PLXDC2: variants seen among roughly 807,000 people sequenced by gnomAD.
PLXDC2 encodes the protein plexin domain containing 2, also known as plexin domain-containing protein 2.
PLXDC2 carries 40 observed loss-of-function variants against 68.9 expected under a neutral mutation model. That is an observed-to-expected ratio of 0.58 (90% CI 0.45 to 0.76). The LOEUF (loss-of-function observed/expected upper bound fraction) is 0.76. Among genes scored for constraint, PLXDC2 ranks in the 30% least tolerant of loss-of-function variants. The pLI is 0.00. For synonymous variants in PLXDC2, 243 were observed against 234.2 expected, an observed-to-expected ratio of 1.04 and a Z score of -0.34; for missense variants, 644 against 661.9, an observed-to-expected ratio of 0.97 and a Z score of 0.30.
rs374752115 is a variant in PLXDC2, at chr10:19,947,021, G to C, written c.113-54754G>C. On this transcript the variant is annotated intron_variant, in intron 1 of 13. Transcript: ENST00000377252. ...GGGGTTGGGGGCCTCTGATCTCAAG[G>C]GTCCTTATAAGTAAAAAGCGGAACT... 4.7e-4 allele frequency among the ~76,000 whole-genome samples: 72 copies of C among 152,130 alleles called. 2 individuals carry two copies. The South Asian group carries it at 5.8e-3, about 12-fold the overall frequency.
intron 4 of PLXDC2, chr10:20,091,704 T>G (rs1024090849): frequency 7.9e-5 from 12 of 152,170 alleles, no homozygotes; most frequent in African/African-American, 2.7e-4. Flanking sequence ...AATCTTTAAG[T>G]CTGCGAGGGC....
chr10:19,982,507 T>A (rs946330331), intron 1 of PLXDC2, among the ~76,000 whole-genome samples: 2 of 152,234 alleles, frequency 1.3e-5, no homozygotes, highest in African/African-American at 4.8e-5. Context: ...CAATCTTATT[T>A]GTTTTCTTCA....
At chr10:20,162,310 T>C (rs1834310995) in intron 6 of PLXDC2, among the ~76,000 whole-genome samples, 1 of 152,106 alleles carries the variant, frequency 6.6e-6, no homozygotes. Flanking sequence ...CATAATGACA[T>C]AATAGGATTT....
intron 3 of PLXDC2, among the ~76,000 whole-genome samples, chr10:20,049,258 C>T (rs1474641330): frequency 1.3e-5 from 2 of 151,980 alleles, no homozygotes; most frequent in African/African-American, 2.4e-5. Flanking sequence ...AACATTATAC[C>T]GAATGGGCAA....
At chr10:19,826,171 C>G (rs1253543074) in intron 1 of PLXDC2, among the ~76,000 whole-genome samples, 1 of 152,142 alleles carries the variant, frequency 6.6e-6, no homozygotes, top group Non-Finnish European at 1.5e-5. Context: ...TAAAAACATT[C>G]AACCTCCTAA....
At chr10:20,272,592 G>A (rs1403456836) in intron 13 of PLXDC2, among the ~76,000 whole-genome samples, 1 of 152,100 alleles carries the variant, frequency 6.6e-6, no homozygotes, top group Non-Finnish European at 1.5e-5. Context: ...TGCCAGCCAT[G>A]GTGGATCAAA....
intron 4 of PLXDC2, among the ~76,000 whole-genome samples, chr10:20,132,048 A>C (rs1489304477): frequency 6.6e-6 from 1 of 152,064 alleles, no homozygotes; most frequent in African/African-American, 2.4e-5. Flanking sequence ...TTATATTTGC[A>C]TTTTTGTTTG....
At chr10:20,095,200 G>A (rs907360358) in intron 4 of PLXDC2, among the ~76,000 whole-genome samples, 9 of 152,006 alleles carry the variant, frequency 5.9e-5, no homozygotes, top group African/African-American at 2.2e-4. Context: ...CTTTTCTTGT[G>A]AAATCAGTGC....
At chr10:19,998,856 A>G (rs1834883049) in intron 1 of PLXDC2, among the ~76,000 whole-genome samples, 1 of 152,196 alleles carries the variant, frequency 6.6e-6, no homozygotes, top group Non-Finnish European at 1.5e-5. Context: ...AAACCTTGTA[A>G]GTGCTAGAGT....
At chr10:20,116,257 CT>C (rs1156790995) in intron 4 of PLXDC2, among the ~76,000 whole-genome samples, 1 of 152,096 alleles carries the variant, frequency 6.6e-6, no homozygotes, top group Admixed American at 6.5e-5. Context: ...CCCTAAGATT[CT>C]TTTTCCCCCC....
chr10:20,022,722 T>C (rs1835332931), intron 2 of PLXDC2, among the ~76,000 whole-genome samples: 1 of 152,122 alleles, frequency 6.6e-6, no homozygotes. Context: ...GCTTAGGAGT[T>C]CCTGAAGGCC....
intron 9 of PLXDC2, among the ~76,000 whole-genome samples, chr10:20,178,248 G>A (rs758204778): frequency 2.0e-5 from 3 of 152,096 alleles, no homozygotes; most frequent in African/African-American, 4.8e-5. Flanking sequence ...ATTTACTGGT[G>A]TCAAAGAGGT....
At position 20,286,009 on chromosome 10, in the gene PLXDC2, G is replaced by C. The variant is rs950928768; in HGVS notation, c.*6190G>C. On this transcript the variant is annotated 3_prime_UTR_variant, in exon 14 of 14. Coordinates refer to ENST00000377252, the MANE Select transcript of PLXDC2 (RefSeq NM_032812.9). ...ACTTTTCAACCATCCAATGCCCACT[G>C]CTCTCACAATGATTATTGTAGAGAA... is the stretch of plus-strand genomic sequence containing the variant. 6.6e-6 allele frequency: 1 copy of C among 152,154 alleles called. No individual in the cohort carries two copies. Among genetic ancestry groups the C allele is most frequent in the Non-Finnish European group, 1.5e-5 (1 of 68,034 alleles). 9.4% of individuals were successfully genotyped at this position (152,154 alleles called of 1,614,324 possible).
chr10:20,065,526 G>T (rs941790519), intron 3 of PLXDC2, among the ~76,000 whole-genome samples: 6 of 152,134 alleles, frequency 3.9e-5, no homozygotes, highest in Non-Finnish European at 7.3e-5. Context: ...GATGATTCAG[G>T]CACATTGCAT....
intron 2 of PLXDC2, among the ~76,000 whole-genome samples, chr10:20,023,655 T>C (rs1835350771): frequency 6.6e-6 from 1 of 152,140 alleles, no homozygotes; most frequent in Non-Finnish European, 1.5e-5. Flanking sequence ...AGCCAATACA[T>C]TTCTGTTCAT....
chr10:19,858,035 T>G (rs1388109317), intron 1 of PLXDC2, among the ~76,000 whole-genome samples: 3 of 152,214 alleles, frequency 2.0e-5, no homozygotes, highest in Non-Finnish European at 2.9e-5. Flanking sequence ...ATCTGTTTGC[T>G]TTTATTACTG....
intron 9 of PLXDC2, among the ~76,000 whole-genome samples, chr10:20,190,598 AATAT>A (rs67612054): frequency 0.29 from 43,556 of 148,342 alleles, 7,102 homozygotes; most frequent in East Asian, 0.49. Context: ...AAGTGTAATA[AATAT>A]ATATATATAT....
intron 1 of PLXDC2, among the ~76,000 whole-genome samples, chr10:19,833,970 A>G (rs1836742641): frequency 6.6e-6 from 1 of 150,554 alleles, no homozygotes; most frequent in Non-Finnish European, 1.5e-5. Flanking sequence ...TTTCTCCAGA[A>G]CTGTATGGAG....
intron 1 of PLXDC2, among the ~76,000 whole-genome samples, chr10:19,817,467 T>C (rs1211638612): frequency 6.6e-6 from 1 of 152,074 alleles, no homozygotes; most frequent in Non-Finnish European, 1.5e-5. Flanking sequence ...AGGGAGGGCT[T>C]CAGTGTGAGA....
Sources: gnomAD v4.1 joint callset for allele counts (sites outside exome capture counted in the v4.1 genomes callset) on GRCh38, gnomAD v4.1.1 for gene constraint, MANE v1.5 for transcripts, NCBI Gene and HGNC (gene_info 2026-07-23, HGNC 2026-07-21) for gene names.